The following HSD17B12 variants were observed in gnomAD, a reference collection of about 807,000 sequenced individuals.
The protein encoded by HSD17B12 is hydroxysteroid 17-beta dehydrogenase 12.
A neutral mutation model predicts 39.3 loss-of-function variants in HSD17B12; 32 were observed. That is an observed-to-expected ratio of 0.81 (90% confidence interval 0.61 to 1.09). The LOEUF is 1.09. Ranked by LOEUF, HSD17B12 falls within the 50% of genes least tolerant of loss-of-function variation. HSD17B12 has a pLI of 0.00. For missense variants in HSD17B12, 342 were observed against 382.9 expected (o/e 0.89, Z 0.89); for synonymous variants, 150 against 146.7 (o/e 1.02, Z -0.16).
intron 6 of HSD17B12, among the ~76,000 whole-genome samples, chr11:43,826,709 C>T (rs1350454794): frequency 6.6e-6 from 1 of 152,164 alleles, no homozygotes; most frequent in Non-Finnish European, 1.5e-5. Context: ...AAGCTTTCCA[C>T]CCACTGTGCA....
intron 1 of HSD17B12, among the ~76,000 whole-genome samples, chr11:43,700,113 G>A (rs1293637182): frequency 6.6e-6 from 1 of 152,142 alleles, no homozygotes; most frequent in Non-Finnish European, 1.5e-5. Context: ...GCTGTTGATG[G>A]GGAGGAGCCT....
intron 1 of HSD17B12, among the ~76,000 whole-genome samples, chr11:43,711,656 G>A (rs1221884009): frequency 6.6e-6 from 1 of 151,898 alleles, no homozygotes; most frequent in African/African-American, 2.4e-5. Flanking sequence ...TATATTTTGA[G>A]TAGAGACGGG....
At chr11:43,773,105 T>C (rs1950665465) in intron 3 of HSD17B12, among the ~76,000 whole-genome samples, 1 of 152,088 alleles carries the variant, frequency 6.6e-6, no homozygotes, top group Admixed American at 6.6e-5. Flanking sequence ...TGAGACCCTG[T>C]CTCAAAACAA....
the HSD17B12 span, among the ~76,000 whole-genome samples, chr11:43,580,072 G>GC: frequency 1.3e-5 from 2 of 151,704 alleles, no homozygotes; most frequent in Non-Finnish European, 2.9e-5. Context: ...CTAATGGGGG[G>GC]GGGGAGGGGC....
chr11:43,725,463 T>A (rs1266229741), intron 1 of HSD17B12, among the ~76,000 whole-genome samples: 1 of 152,224 alleles, frequency 6.6e-6, no homozygotes, highest in Admixed American at 6.5e-5. Flanking sequence ...TGCTTTAACA[T>A]CAGGAATGTC....
the HSD17B12 span, chr11:43,645,167 G>A: frequency 6.6e-6 from 1 of 152,168 alleles, no homozygotes; most frequent in South Asian, 2.1e-4. Flanking sequence ...GCTAAATGAA[G>A]CACCGTGTAC....
the HSD17B12 span, among the ~76,000 whole-genome samples, chr11:43,662,199 CTTT>C: frequency 1.7e-4 from 21 of 124,722 alleles, no homozygotes; most frequent in Admixed American, 4.1e-4. Flanking sequence ...GCCCACGTCT[CTTT>C]TTTTTTTTTT....
chr11:43,583,449 C>T, the HSD17B12 span, among the ~76,000 whole-genome samples: 1 of 152,212 alleles, frequency 6.6e-6, no homozygotes, highest in East Asian at 1.9e-4. Context: ...GCTGAGGCTG[C>T]TCACTTTTGA....
rs111651152 is a variant in HSD17B12 at position 43,710,794 on chromosome 11, T to A, written c.160+29807T>A. Among the ~76,000 whole-genome samples the A allele has an allele frequency of 6.5e-3, 991 of 152,232 alleles. 9 individuals carry two copies. Among genetic ancestry groups the A allele is most frequent in the African/African-American group, 0.023 (944 of 41,536 alleles). ...GAGCAAAAATACTTAGTTGTCAGTA[T>A]TTTTTCGTTTTTTTGAGATGGAGTC... On this transcript the variant is annotated intron_variant, in intron 1 of 10. Coordinates refer to ENST00000278353, the MANE Select transcript of HSD17B12 (RefSeq NM_016142.3).
the HSD17B12 span, among the ~76,000 whole-genome samples, chr11:43,559,049 G>A: frequency 6.6e-6 from 1 of 152,114 alleles, no homozygotes; most frequent in South Asian, 2.1e-4. Context: ...AGTAAAACCA[G>A]GTCAGCTGGC....
intron 9 of HSD17B12, among the ~76,000 whole-genome samples, chr11:43,845,239 T>C (rs1951464048): frequency 6.6e-6 from 1 of 152,220 alleles, no homozygotes; most frequent in Non-Finnish European, 1.5e-5. Flanking sequence ...CCGCATTGGC[T>C]TCCCAAAGTG....
At chr11:43,690,400 A>ATTTTTTTTTTTTT (rs1565049826) in intron 1 of HSD17B12, among the ~76,000 whole-genome samples, 3 of 27,158 alleles carry the variant, frequency 1.1e-4, no homozygotes, top group African/African-American at 6.9e-4. Flanking sequence ...ATATATATAT[A>ATTTTTTTTTTTTT]TATATTTTTT....
the HSD17B12 span, among the ~76,000 whole-genome samples, chr11:43,617,078 A>G: frequency 6.6e-6 from 1 of 152,146 alleles, no homozygotes; most frequent in Non-Finnish European, 1.5e-5. Context: ...TGGCAATTAA[A>G]GAGATGGACA....
chr11:43,740,487 TGATAAACA>T (rs1184947465), intron 1 of HSD17B12, among the ~76,000 whole-genome samples: 1 of 152,252 alleles, frequency 6.6e-6, no homozygotes, highest in African/African-American at 2.4e-5. Context: ...TGATTCCTTA[TGATAAACA>T]GTAAAAGAAG....
intron 1 of HSD17B12, among the ~76,000 whole-genome samples, chr11:43,685,929 G>A (rs889889029): frequency 3.3e-5 from 5 of 152,190 alleles, no homozygotes; most frequent in African/African-American, 1.2e-4. Context: ...AGAATAGTTG[G>A]CACATTTTGG....
chr11:43,666,684 A>G, the HSD17B12 span, among the ~76,000 whole-genome samples: 6 of 152,206 alleles, frequency 3.9e-5, no homozygotes, highest in Admixed American at 1.3e-4. Context: ...CATAATACAA[A>G]ATAAGGAAAA....
chr11:43,852,108 C>A (rs552783725), intron 9 of HSD17B12: 2 of 152,316 alleles, frequency 1.3e-5, no homozygotes, highest in South Asian at 4.1e-4. Context: ...ATTTACATTT[C>A]TTAGCTGGAA....
At chr11:43,587,316 G>GA in the HSD17B12 span, among the ~76,000 whole-genome samples, 31,066 of 125,396 alleles carry the variant, frequency 0.25, 3,751 homozygotes, top group African/African-American at 0.35. Context: ...CAGCAAAAAG[G>GA]AAAAAAAAAA....
At chr11:43,618,129 T>G in the HSD17B12 span, among the ~76,000 whole-genome samples, 2 of 152,222 alleles carry the variant, frequency 1.3e-5, no homozygotes, top group African/African-American at 4.8e-5. Flanking sequence ...TTATTCTATA[T>G]AATTGTTGTT....
Sources: allele counts gnomAD v4.1 joint callset (sites outside exome capture counted in the v4.1 genomes callset), GRCh38; gene constraint gnomAD v4.1.1; transcripts MANE v1.5; gene names NCBI Gene and HGNC (gene_info 2026-07-23, HGNC 2026-07-21).